The following TMEM154 variants were observed in gnomAD, a reference collection of about 807,000 sequenced individuals.
TMEM154 encodes transmembrane protein 154.
A neutral mutation model predicts 24.5 loss-of-function variants in TMEM154; 27 were observed. The observed-to-expected ratio is 1.10, with a 90% CI of 0.81 to 1.52. TMEM154 has a LOEUF of 1.52. Among genes scored for constraint, TMEM154 ranks in the 40% most tolerant of loss-of-function variants. TMEM154 has a pLI of 0.00. For synonymous variants in TMEM154, 67 were observed against 76.8 expected (o/e 0.87, Z 0.67); for missense variants, 228 against 213.4 (o/e 1.07, Z -0.43).
chr4:152,665,288 C>T lies in TMEM154; in HGVS notation c.65-12361G>A, dbSNP rs570533813. On this transcript the variant is annotated intron_variant, in intron 1 of 6. Transcript: ENST00000304385. ...TACAGTTCTCCTTGTGGCTCCAGGACGCAGCTGAAGTTGTGTCTCACTTCT... is the reference window on the plus strand; with the variant it reads ...TACAGTTCTCCTTGTGGCTCCAGGATGCAGCTGAAGTTGTGTCTCACTTCT... 8.5e-5 allele frequency among the ~76,000 whole-genome samples: 13 copies of T among 152,264 alleles called. No homozygotes were observed. The South Asian group carries it at 1.9e-3, about 22-fold the overall frequency.
chr4:152,645,934 T>TACACACACACAC (rs10545647), intron 3 of TMEM154, among the ~76,000 whole-genome samples: 1 of 140,464 alleles, frequency 7.1e-6, no homozygotes, highest in Non-Finnish European at 1.5e-5. Flanking sequence ...GAAAGGAGAA[T>TACACACACACAC]ACACACACAC....
chr4:152,660,507 T>G (rs1221647128), intron 1 of TMEM154, among the ~76,000 whole-genome samples: 1 of 152,114 alleles, frequency 6.6e-6, no homozygotes, highest in African/African-American at 2.4e-5. Context: ...GATTATCGAT[T>G]ATCTCATTTT....
chr4:152,659,846 T>G (rs1383519301), intron 1 of TMEM154, among the ~76,000 whole-genome samples: 1 of 152,234 alleles, frequency 6.6e-6, no homozygotes, highest in Non-Finnish European at 1.5e-5. Context: ...GTTTAATTTA[T>G]AATTAGGCAC....
At chr4:152,652,429 T>C in intron 3 of TMEM154, 109 bp downstream of exon 3, 1 of 1,481,222 alleles carries the variant, frequency 6.8e-7, no homozygotes, top group Admixed American at 2.5e-5. Context: ...TGAAATGTAT[T>C]ATTTATCACT....
rs1178391420 is a variant in TMEM154, at chr4:152,661,287, TC to T, written c.65-8361del. On this transcript the variant is annotated intron_variant, in intron 1 of 6. Coordinates refer to ENST00000304385, the MANE Select transcript of TMEM154 (RefSeq NM_152680.3). Reference sequence around the variant, plus strand: ...GAGAATCAAGGGATTGTTCTCTTTCTCTCTCTCTCTCTCTCTCTCTCTCTCT... The same window carrying T: ...GAGAATCAAGGGATTGTTCTCTTTCTTCTCTCTCTCTCTCTCTCTCTCTCT... 2.7e-3 allele frequency among the ~76,000 whole-genome samples: 83 copies of T among 30,418 alleles called. 1 individual carries two copies. The highest frequency in any genetic ancestry group is 9.3e-3 in the African/African-American group (76 of 8,184). The allele number at this position is 30,418 out of a possible 152,430, so 20.0% of individuals were successfully genotyped here.
intron 6 of TMEM154, among the ~76,000 whole-genome samples, chr4:152,633,239 A>G (rs1370411612): frequency 2.6e-5 from 4 of 152,230 alleles, no homozygotes; most frequent in Admixed American, 1.3e-4. Flanking sequence ...GTGGACCGTG[A>G]GCAACGGACA....
intron 1 of TMEM154, chr4:152,670,110 C>T (rs1182957675): frequency 6.6e-6 from 1 of 152,174 alleles, no homozygotes; most frequent in Non-Finnish European, 1.5e-5. Flanking sequence ...TGTATCCTTT[C>T]TGTAAATAAT....
At chr4:152,636,533 C>A (rs1752152191) in intron 6 of TMEM154, among the ~76,000 whole-genome samples, 1 of 152,218 alleles carries the variant, frequency 6.6e-6, no homozygotes, top group Non-Finnish European at 1.5e-5. Flanking sequence ...CCTGTGCTGT[C>A]TTTCGGATTC....
At chr4:152,645,852 A>G (rs1561048744) in intron 3 of TMEM154, among the ~76,000 whole-genome samples, 2 of 151,648 alleles carry the variant, frequency 1.3e-5, no homozygotes, top group South Asian at 2.1e-4. Context: ...GCTGCAGGCT[A>G]TGTCCTCCTG....
intron 6 of TMEM154, among the ~76,000 whole-genome samples, chr4:152,635,669 A>G (rs1262755351): frequency 6.6e-6 from 1 of 152,242 alleles, no homozygotes; most frequent in African/African-American, 2.4e-5. Context: ...ACTCCTTTTT[A>G]TAATGACATC....
chr4:152,632,548 T>C (rs1392576895), intron 6 of TMEM154, among the ~76,000 whole-genome samples: 1 of 152,270 alleles, frequency 6.6e-6, no homozygotes, highest in Non-Finnish European at 1.5e-5. Flanking sequence ...GAATTTAAGA[T>C]GACCATTTTT....
intron 1 of TMEM154, 136 bp downstream of exon 1, chr4:152,679,734 T>C: frequency 7.5e-7 from 1 of 1,328,824 alleles, no homozygotes; most frequent in African/African-American, 1.5e-5. Context: ...AAAGGAGTTC[T>C]AATTTTCTCC....
chr4:152,653,157 G>A (rs982518691), intron 1 of TMEM154, among the ~76,000 whole-genome samples: 2 of 152,190 alleles, frequency 1.3e-5, no homozygotes, highest in Non-Finnish European at 2.9e-5. Flanking sequence ...CACAAAGGTA[G>A]GCAGTTTTGC....
At chr4:152,671,052 G>A (rs1728826433) in intron 1 of TMEM154, among the ~76,000 whole-genome samples, 1 of 152,102 alleles carries the variant, frequency 6.6e-6, no homozygotes. Context: ...CGGGGCTAAG[G>A]GGTACTCAGG....
At chr4:152,631,334 A>G (rs1488238059) in intron 6 of TMEM154, among the ~76,000 whole-genome samples, 2 of 152,192 alleles carry the variant, frequency 1.3e-5, no homozygotes, top group African/African-American at 4.8e-5. Flanking sequence ...CTCTTTTATT[A>G]CCACAAAGAA....
rs780465309 is a variant in TMEM154 at position 152,641,903 on chromosome 4, CTTTTTTTTTTTTTTTTTTTT to C, written c.479-938_479-919del. Among the ~76,000 whole-genome samples the C allele has an allele frequency of 2.0e-3, 82 of 41,498 alleles. No individual in the cohort carries two copies. The South Asian group carries it at 0.071, about 36-fold the overall frequency. 27.2% of individuals were successfully genotyped at this position (41,498 alleles called of 152,430 possible). A position where few individuals can be genotyped will look rare whatever the true frequency, so the allele number is the denominator to read the frequency against. Reference sequence around the variant, plus strand: ...TGATAAGCCTCTGGTAGCAATAATTCTTTTTTTTTTTTTTTTTTTTTTTTTTTTTTTTTTGTTGAGATGGA... The same window carrying C: ...TGATAAGCCTCTGGTAGCAATAATTCTTTTTTTTTTTTTTGTTGAGATGGA... On this transcript the variant is annotated intron_variant, in intron 5 of 6. Coordinates refer to ENST00000304385, the MANE Select transcript of TMEM154 (RefSeq NM_152680.3).
At chr4:152,650,344 A>T (rs1201073028) in intron 3 of TMEM154, among the ~76,000 whole-genome samples, 1 of 152,014 alleles carries the variant, frequency 6.6e-6, no homozygotes, top group East Asian at 1.9e-4. Flanking sequence ...TGTTCATGGC[A>T]TCTTCACTAG....
At position 152,621,523 on chromosome 4, in the gene TMEM154, C is replaced by T. The variant is rs1459108439; in HGVS notation, c.*7023G>A. 1 of 152,182 alleles carries T rather than the reference C, an allele frequency of 6.6e-6. No homozygotes were observed. The highest frequency in any genetic ancestry group is 1.5e-5 in the Non-Finnish European group (1 of 68,046). 9.4% of individuals were successfully genotyped at this position (152,182 alleles called of 1,614,324 possible). On this transcript the variant is annotated 3_prime_UTR_variant, in exon 7 of 7. Coordinates refer to ENST00000304385, the MANE Select transcript of TMEM154 (RefSeq NM_152680.3). ...AACAGGGAGGAAATAGACTCTGCAT[C>T]AGTTTCTAGGGGTAGATTGATGCCA...
Position 152,679,967 on chromosome 4 carries a change from G to C in TMEM154, c.-34C>G. The stretch of plus-strand genomic sequence containing the variant: ...GCCTCGGCAGAGGCGCGCTCAGGAT[G>C]CTGCGCCGGGCTGCAGCCTCTCTGA... On this transcript the variant is annotated 5_prime_UTR_variant, in exon 1 of 7. Coordinates refer to ENST00000304385, the MANE Select transcript of TMEM154 (RefSeq NM_152680.3). 6.4e-7 allele frequency: 1 copy of C among 1,568,704 alleles called. No homozygotes were observed. The highest frequency in any genetic ancestry group is 2.3e-5 in the East Asian group (1 of 43,912).
Sources: allele counts gnomAD v4.1 joint callset (sites outside exome capture counted in the v4.1 genomes callset), GRCh38; gene constraint gnomAD v4.1.1; transcripts MANE v1.5; gene names NCBI Gene and HGNC (gene_info 2026-07-23, HGNC 2026-07-21).